ADK: variants seen among roughly 807,000 people sequenced by gnomAD.
ADK encodes the protein N6,N6-dimethyladenosine kinase.
In ADK, 24 loss-of-function variants were observed where a neutral mutation model predicts 44.7. The observed-to-expected ratio is 0.54, with a 90% confidence interval of 0.39 to 0.76. The LOEUF (loss-of-function observed/expected upper bound fraction) is 0.76, where lower values mean the gene tolerates loss of function less well. Ranked by LOEUF, ADK falls within the 30% of genes least tolerant of loss-of-function variation. The pLI, the probability that ADK is intolerant of heterozygous loss-of-function variation, is 0.00. For missense variants in ADK, 321 were observed against 425.1 expected (o/e 0.76, Z 2.15); for synonymous variants, 128 against 142.6 (o/e 0.90, Z 0.73).
chr10:74,655,494 T>G (rs1173814286), intron 9 of ADK: 3 of 485,966 alleles, frequency 6.2e-6, no homozygotes, highest in African/African-American at 5.9e-5. Flanking sequence ...CAGCTGCCAC[T>G]GGCTCACTCA....
At chr10:74,291,378 T>C (rs10762592) in intron 3 of ADK, among the ~76,000 whole-genome samples, 98,696 of 151,934 alleles carry the variant, frequency 0.65, 33,305 homozygotes, top group Middle Eastern at 0.8. Context: ...GACCGCACCA[T>C]TGCACTCCAG....
intron 7 of ADK, among the ~76,000 whole-genome samples, chr10:74,584,593 AAGAC>A (rs1851471059): frequency 1.3e-5 from 2 of 152,190 alleles, no homozygotes; most frequent in Admixed American, 6.5e-5. Context: ...TATGTAGAGA[AAGAC>A]AGACACCCCC....
At chr10:74,467,370 C>T (rs1255109224) in intron 6 of ADK, among the ~76,000 whole-genome samples, 1 of 152,086 alleles carries the variant, frequency 6.6e-6, no homozygotes, top group Non-Finnish European at 1.5e-5. Context: ...ACATCTCTAT[C>T]CTGAGTTGAT....
At chr10:74,579,969 A>C (rs1195283608) in intron 7 of ADK, among the ~76,000 whole-genome samples, 1 of 152,186 alleles carries the variant, frequency 6.6e-6, no homozygotes, top group African/African-American at 2.4e-5. Context: ...AGTTGGGGAC[A>C]ATATTAGCTC....
intron 9 of ADK, among the ~76,000 whole-genome samples, chr10:74,640,823 T>A (rs1335686553): frequency 6.6e-6 from 1 of 152,230 alleles, no homozygotes; most frequent in Non-Finnish European, 1.5e-5. Context: ...CAGGTCTAGA[T>A]GTTAATGTAA....
chr10:74,393,283 A>G (rs1843399801), intron 4 of ADK, among the ~76,000 whole-genome samples: 1 of 152,190 alleles, frequency 6.6e-6, no homozygotes, highest in Non-Finnish European at 1.5e-5. Context: ...CTTTGAAACT[A>G]AACAGGTGTT....
chr10:74,491,313 G>A (rs1847474554), intron 6 of ADK, among the ~76,000 whole-genome samples: 1 of 152,090 alleles, frequency 6.6e-6, no homozygotes, highest in African/African-American at 2.4e-5. Context: ...TCACTAGGTT[G>A]CCCAAGCTGG....
At chr10:74,332,015 A>G (rs1230890299) in intron 4 of ADK, among the ~76,000 whole-genome samples, 8 of 151,886 alleles carry the variant, frequency 5.3e-5, no homozygotes, top group Non-Finnish European at 1.5e-5. Flanking sequence ...CACCATGCCC[A>G]ACAAATTTTT....
chr10:74,443,974 T>C (rs1168252653), intron 6 of ADK, among the ~76,000 whole-genome samples: 1 of 152,114 alleles, frequency 6.6e-6, no homozygotes, highest in African/African-American at 2.4e-5. Context: ...AAATACATTA[T>C]AGTATTTAGA....
intron 6 of ADK, among the ~76,000 whole-genome samples, chr10:74,464,843 A>AAG (rs1259258985): frequency 6.6e-6 from 1 of 151,684 alleles, no homozygotes; most frequent in East Asian, 1.9e-4. Flanking sequence ...TTAAGAAAAA[A>AAG]AGAGAGAGAG....
chr10:74,558,550 G>A (rs911683327), intron 7 of ADK, among the ~76,000 whole-genome samples: 2 of 152,218 alleles, frequency 1.3e-5, no homozygotes, highest in South Asian at 4.1e-4. Flanking sequence ...CACTGTGTAA[G>A]ATGCACCTTG....
chr10:74,640,395 GCAGAGCATT>G (rs1487666701), intron 9 of ADK, among the ~76,000 whole-genome samples: 1 of 152,208 alleles, frequency 6.6e-6, no homozygotes, highest in African/African-American at 2.4e-5. Context: ...CTTGCTTTAG[GCAGAGCATT>G]CCTTGTGTGG....
intron 9 of ADK, among the ~76,000 whole-genome samples, chr10:74,636,127 A>G (rs1005871663): frequency 6.6e-6 from 1 of 152,110 alleles, no homozygotes; most frequent in African/African-American, 2.4e-5. Flanking sequence ...GCAATAGATA[A>G]TTATTTTTTT....
At position 74,217,733 on chromosome 10, in the gene ADK, G is replaced by A. The variant is rs1399993983; in HGVS notation, c.141-6805G>A. The stretch of plus-strand genomic sequence containing the variant: ...GTTCACGAAAAACCACTGTTCTGCA[G>A]CCACCGCTGCTGATACCCAGGCAAA... On this transcript the variant is annotated intron_variant, in intron 2 of 10. Transcript: ENST00000539909. Among the ~76,000 whole-genome samples, 3 of 152,296 alleles carry A rather than the reference G, an allele frequency of 2.0e-5. No homozygotes were observed. The East Asian group carries it at 5.8e-4, about 29-fold the overall frequency.
chr10:74,350,412 G>C (rs549945635), intron 4 of ADK, among the ~76,000 whole-genome samples: 2 of 152,258 alleles, frequency 1.3e-5, no homozygotes, highest in Admixed American at 6.5e-5. Context: ...CACACCAAAA[G>C]CAGTGTTAAG....
At chr10:74,648,705 A>T (rs747851596) in intron 9 of ADK, among the ~76,000 whole-genome samples, 5 of 152,090 alleles carry the variant, frequency 3.3e-5, no homozygotes, top group Admixed American at 6.5e-5. Flanking sequence ...TGCCTAAAAC[A>T]ATAATTATAT....
intron 3 of ADK, among the ~76,000 whole-genome samples, chr10:74,311,795 G>A (rs1385136673): frequency 6.6e-6 from 1 of 152,144 alleles, no homozygotes; most frequent in Non-Finnish European, 1.5e-5. Flanking sequence ...CTGTAATCAT[G>A]GATTAGATGA....
intron 3 of ADK, among the ~76,000 whole-genome samples, chr10:74,243,814 C>T (rs1304347637): frequency 6.6e-6 from 1 of 152,132 alleles, no homozygotes; most frequent in East Asian, 1.9e-4. Flanking sequence ...AGTGAGCCAT[C>T]ACGCCACACT....
chr10:74,409,854 C>T (rs1844101120), intron 6 of ADK, among the ~76,000 whole-genome samples: 1 of 152,136 alleles, frequency 6.6e-6, no homozygotes, highest in Non-Finnish European at 1.5e-5. Flanking sequence ...AGAATCACTA[C>T]CAAATGTTTA....
Sources: allele counts gnomAD v4.1 joint callset (sites outside exome capture counted in the v4.1 genomes callset), GRCh38; gene constraint gnomAD v4.1.1; transcripts MANE v1.5; gene names NCBI Gene and HGNC (gene_info 2026-07-23, HGNC 2026-07-21).